The following SPATS2L variants were observed in gnomAD, a reference collection of about 807,000 sequenced individuals.
SPATS2L encodes spermatogenesis associated serine rich 2 like.
In SPATS2L, 30 loss-of-function variants were observed where a neutral mutation model predicts 59.6. The ratio of observed to expected loss-of-function variants is 0.50; its 90% CI spans 0.38 to 0.68. The LOEUF (loss-of-function observed/expected upper bound fraction) is 0.68, where lower values mean the gene tolerates loss of function less well. SPATS2L is among the 30% of genes least tolerant of loss of function. The pLI is 0.00. For missense variants in SPATS2L, 615 were observed against 700.0 expected, an observed-to-expected ratio of 0.88 and a Z score of 1.37; for synonymous variants, 252 against 263.5, an observed-to-expected ratio of 0.96 and a Z score of 0.42.
chr2:200,449,019 C>T (rs981984343), intron 8 of SPATS2L, among the ~76,000 whole-genome samples: 1 of 152,196 alleles, frequency 6.6e-6, no homozygotes, highest in Non-Finnish European at 1.5e-5. Context: ...ACACATATAA[C>T]ATGGAGAAAC....
rs147088058 is a variant in SPATS2L, at chr2:200,389,186, C to G, written c.-22-37C>G. ...GTGTAAAAATAACACATTGAGAAAT[C>G]AATTTTAAAACTTAATCTTGTTTTC... is the stretch of plus-strand genomic sequence containing the variant. On this transcript the variant is annotated intron_variant, in intron 2 of 12. Coordinates refer to ENST00000409140, the MANE Select transcript of SPATS2L (RefSeq NM_001100423.2). 902 of 1,390,338 alleles carry G rather than the reference C, an allele frequency of 6.5e-4. 4 individuals carry two copies. In the African/African-American group the frequency reaches 0.011, roughly 17 times the overall value. The allele number at this position is 1,390,338 out of a possible 1,614,324, so 86.1% of individuals were successfully genotyped here.
chr2:200,315,856 CA>C (rs374718905), intron 1 of SPATS2L, among the ~76,000 whole-genome samples: 2,610 of 90,898 alleles, frequency 0.029, 31 homozygotes, highest in Middle Eastern at 0.14. Context: ...ACCAAAAATC[CA>C]AAAAAAAAAA....
intron 2 of SPATS2L, among the ~76,000 whole-genome samples, chr2:200,368,389 T>C (rs1263880344): frequency 6.6e-6 from 1 of 152,162 alleles, no homozygotes; most frequent in East Asian, 1.9e-4. Flanking sequence ...AGACTTAAGC[T>C]CTTTCGGCAT....
chr2:200,373,673 T>C (rs912758568), intron 2 of SPATS2L, among the ~76,000 whole-genome samples: 2 of 152,226 alleles, frequency 1.3e-5, no homozygotes, highest in Non-Finnish European at 2.9e-5. Context: ...AAAAGGAATC[T>C]TAAATATAAT....
At chr2:200,353,934 A>G (rs1208799758) in intron 2 of SPATS2L, among the ~76,000 whole-genome samples, 1 of 152,196 alleles carries the variant, frequency 6.6e-6, no homozygotes, top group Non-Finnish European at 1.5e-5. Flanking sequence ...CATATTTTGC[A>G]TGGTGGTGTC....
chr2:200,358,488 C>T (rs779649574), intron 2 of SPATS2L, among the ~76,000 whole-genome samples: 9 of 152,124 alleles, frequency 5.9e-5, no homozygotes, highest in Non-Finnish European at 1.0e-4. Flanking sequence ...TGCAAAGGTA[C>T]GTGAATTTAA....
intron 2 of SPATS2L, among the ~76,000 whole-genome samples, chr2:200,359,534 C>G (rs2081028779): frequency 6.6e-6 from 1 of 152,344 alleles, no homozygotes; most frequent in Non-Finnish European, 1.5e-5. Flanking sequence ...TCTCTGTCTT[C>G]CAATGACTAA....
intron 12 of SPATS2L, among the ~76,000 whole-genome samples, chr2:200,474,844 GT>G: frequency 6.6e-6 from 1 of 152,266 alleles, no homozygotes; most frequent in Middle Eastern, 3.4e-3. Context: ...CGGGCCCTGT[GT>G]TTTCAAGTAA....
At chr2:200,348,684 C>G (rs557552017) in intron 2 of SPATS2L, among the ~76,000 whole-genome samples, 22 of 152,210 alleles carry the variant, frequency 1.4e-4, no homozygotes, top group African/African-American at 5.3e-4. Context: ...TCACTAAGCT[C>G]TAGGAGCCTC....
Position 200,413,652 on chromosome 2 carries a change from T to C in SPATS2L, c.148+1233T>C, listed in dbSNP as rs533023365. ...CTATTTACAGTTTGTCAAGGACAGT[T>C]TGATTTACTTATTTTCCTAGGAGTA... On this transcript the variant is annotated intron_variant, in intron 4 of 12. Transcript: ENST00000409140. Among the ~76,000 whole-genome samples the C allele has an allele frequency of 2.6e-5, 4 of 152,346 alleles. No individual in the cohort carries two copies. In the East Asian group the frequency reaches 7.7e-4, roughly 29 times the overall value.
chr2:200,451,718 C>T (rs1454436491), intron 8 of SPATS2L, among the ~76,000 whole-genome samples: 1 of 152,106 alleles, frequency 6.6e-6, no homozygotes, highest in Non-Finnish European at 1.5e-5. Context: ...GCATTTCTGG[C>T]ACTTCTTGTA....
intron 1 of SPATS2L, among the ~76,000 whole-genome samples, chr2:200,310,591 C>CTT (rs2079161810): frequency 6.6e-6 from 1 of 152,244 alleles, no homozygotes; most frequent in Non-Finnish European, 1.5e-5. Context: ...AGGAACAATA[C>CTT]TTTAGCATTG....
At chr2:200,419,784 T>G (rs2083234834) in intron 6 of SPATS2L, among the ~76,000 whole-genome samples, 1 of 150,268 alleles carries the variant, frequency 6.7e-6, no homozygotes, top group Non-Finnish European at 1.5e-5. Flanking sequence ...CATAGCTCAC[T>G]GCAGCTGCAG....
intron 1 of SPATS2L, among the ~76,000 whole-genome samples, chr2:200,307,806 C>G (rs931199580): frequency 6.6e-6 from 1 of 152,106 alleles, no homozygotes; most frequent in Admixed American, 6.5e-5. Flanking sequence ...AGCTTCTCAT[C>G]CCCCCCGCAA....
chr2:200,434,202 C>A (rs2084124896), intron 6 of SPATS2L, among the ~76,000 whole-genome samples: 1 of 151,874 alleles, frequency 6.6e-6, no homozygotes, highest in Admixed American at 6.6e-5. Context: ...ATATGATCAT[C>A]TCAGTGTGTA....
chr2:200,420,256 A>G (rs1054595670), intron 6 of SPATS2L, among the ~76,000 whole-genome samples: 4 of 150,282 alleles, frequency 2.7e-5, no homozygotes, highest in Non-Finnish European at 1.5e-5. Flanking sequence ...TCTCAATACT[A>G]TCTGACCCAA....
chr2:200,466,129 C>T (rs1379913608), intron 9 of SPATS2L, among the ~76,000 whole-genome samples: 4 of 152,172 alleles, frequency 2.6e-5, no homozygotes, highest in African/African-American at 9.6e-5. Context: ...TCTTTTTGGG[C>T]TTTTGCAGTG....
intron 1 of SPATS2L, among the ~76,000 whole-genome samples, chr2:200,323,900 C>T (rs111468278): frequency 1.3e-5 from 2 of 152,150 alleles, no homozygotes; most frequent in Admixed American, 6.6e-5. Flanking sequence ...TAAAGTAATG[C>T]AAGTGCTGGA....
intron 3 of SPATS2L, among the ~76,000 whole-genome samples, chr2:200,403,773 C>T (rs1340443794): frequency 1.3e-5 from 2 of 152,256 alleles, no homozygotes; most frequent in South Asian, 2.1e-4. Flanking sequence ...CGATCGGCAC[C>T]GTAACAGATC....
Sources: allele counts gnomAD v4.1 joint callset (sites outside exome capture counted in the v4.1 genomes callset), GRCh38; gene constraint gnomAD v4.1.1; transcripts MANE v1.5; gene names NCBI Gene and HGNC (gene_info 2026-07-23, HGNC 2026-07-21).